EMILIN1: variants seen among roughly 807,000 people sequenced by gnomAD.
EMILIN1 encodes the protein EMILIN-1.
In EMILIN1, 49 loss-of-function variants were observed where a neutral mutation model predicts 82.4. That is an observed-to-expected ratio of 0.59 (90% CI 0.47 to 0.75). EMILIN1 has a LOEUF of 0.75. EMILIN1 is among the 30% of genes least tolerant of loss of function. The pLI is 0.00. For synonymous variants in EMILIN1, 604 were observed against 602.2 expected, an observed-to-expected ratio of 1.00 and a Z score of -0.04; for missense variants, 1,313 against 1,366.4, an observed-to-expected ratio of 0.96 and a Z score of 0.62.
In EMILIN1 at chr2:27,082,661, G is replaced by C. The variant is rs930721581; in HGVS notation, c.1090G>C (p.Glu364Gln). The stretch of plus-strand genomic sequence containing the variant: ...TCCAGAGCTGGGCCGGCGACTGGCA[G>C]AGCTGGAGCGCAGGCTGGATGTCGT... ...CSPELGRRLA[E>Q]LERRLDVVAG... The change falls in exon 4 of 8, where the codon GAG (glutamate) becomes CAG (glutamine). Residue 364 changes from glutamate (E) to glutamine (Q), a missense_variant. Coordinates refer to ENST00000380320, the MANE Select transcript of EMILIN1 (RefSeq NM_007046.4). The C allele has an allele frequency of 6.4e-7, 1 of 1,551,146 alleles. No homozygotes were observed. The highest frequency in any genetic ancestry group is 1.4e-5 in the African/African-American group (1 of 73,542).
chr2:27,080,196 T>C lies in EMILIN1; in HGVS notation c.216T>C (p.Leu72=). ...YVVTRTVSCV[L]EDGVETYVKY... ...TGACCCGGACAGTGAGCTGTGTCCT[T>C]GAGGATGGAGTGGAGACATATGTCA... is the stretch of plus-strand genomic sequence containing the variant. The change falls in exon 2 of 8, where the codon CTT becomes CTC. Residue 72 remains leucine, a synonymous_variant. Coordinates refer to ENST00000380320, the MANE Select transcript of EMILIN1 (RefSeq NM_007046.4). 6.2e-7 allele frequency: 1 copy of C among 1,614,026 alleles called. No individual in the cohort carries two copies. The highest frequency in any genetic ancestry group is 8.5e-7 in the Non-Finnish European group (1 of 1,179,926).
At position 27,082,970 on chromosome 2, in the gene EMILIN1, T is replaced by C. The variant is rs1482255358; in HGVS notation, c.1399T>C (p.Leu467=). ...SGELGGRLDL[L]EEQVAGAMQA... ...GGAGCTGGGGGGGCGGTTGGATCTG[T>C]TGGAGGAGCAGGTGGCAGGGGCCAT... is the stretch of plus-strand genomic sequence containing the variant. Residue 467 remains leucine (L), a synonymous_variant, in exon 4 of 8, where the codon TTG becomes CTG. Coordinates refer to ENST00000380320, the MANE Select transcript of EMILIN1 (RefSeq NM_007046.4). 1 of 1,581,830 alleles carries C rather than the reference T, an allele frequency of 6.3e-7. No homozygotes were observed.
Position 27,085,551 on chromosome 2 carries a change from C to A in EMILIN1, c.2714-127C>A, listed in dbSNP as rs138742329. On this transcript the variant is annotated intron_variant, in intron 7 of 7. Transcript: ENST00000380320. ...TGCTGGGAATGCATAGTGAACAAAG[C>A]CCCCAGTTCCCTGCCGCTCACATTC... The A allele has an allele frequency of 9.2e-5, 91 of 987,932 alleles. No homozygotes were observed. The African/African-American group carries it at 1.2e-3, about 14-fold the overall frequency. The allele number at this position is 987,932 out of a possible 1,614,324, so 61.2% of individuals were successfully genotyped here. A position where few individuals can be genotyped will look rare whatever the true frequency, so the allele number is the denominator to read the frequency against.
intron 1 of EMILIN1, 109 bp from the exon 2 acceptor site, chr2:27,080,042 C>T (rs1262303798): frequency 2.1e-5 from 27 of 1,298,850 alleles, no homozygotes; most frequent in Non-Finnish European, 2.8e-5. Flanking sequence ...CACTGATCCC[C>T]AAGGGTTCTG....
At position 27,082,760 on chromosome 2, in the gene EMILIN1, C is replaced by T. The variant is rs749283395; in HGVS notation, c.1189C>T (p.Pro397Ser). Residue 397 changes from proline (P) to serine (S), a missense_variant, in exon 4 of 8, where the codon CCC becomes TCC. Pro to Ser is a moderately conservative substitution (Grantham distance 74). Transcript: ENST00000380320. ...LGGAAGQGGH[P>S]PGYTSLASRL... ...AGGAGCCGCGGGGCAGGGAGGCCAC[C>T]CCCCAGGCTACACCAGCTTGGCCTC... 1.8e-4 allele frequency: 283 copies of T among 1,540,000 alleles called. No individual in the cohort carries two copies. Among genetic ancestry groups the T allele is most frequent in the Non-Finnish European group, 2.3e-4 (260 of 1,149,238 alleles).
intron 1 of EMILIN1, 119 bp from the exon 2 acceptor site, chr2:27,080,032 C>A: frequency 8.5e-7 from 1 of 1,170,240 alleles, no homozygotes; most frequent in South Asian, 1.5e-5. Context: ...CCCTTGCTCT[C>A]ACTGATCCCC....
chr2:27,082,262 C>T lies in EMILIN1; in HGVS notation c.691C>T (p.Pro231Ser). 2 of 1,613,262 alleles carry T rather than the reference C, an allele frequency of 1.2e-6. No homozygotes were observed. The highest frequency in any genetic ancestry group is 8.5e-7 in the Non-Finnish European group (1 of 1,179,950). Residue 231 changes from proline (P) to serine (S), a missense_variant, in exon 4 of 8, where the codon CCT becomes TCT. By Grantham distance (74) the Pro-to-Ser change is moderately conservative. Coordinates refer to ENST00000380320, the MANE Select transcript of EMILIN1 (RefSeq NM_007046.4). ...GCAGCCAGCTGACGCGGCTGCCCGC[C>T]CTGGGGTGCATGAAACCCTCAATGA... Reference protein sequence around the residue: ...RQQPADAAARPGVHETLNEIQ... With the variant: ...RQQPADAAARSGVHETLNEIQ...
In EMILIN1 at chr2:27,079,075, C is replaced by A; in HGVS notation, c.10C>A (p.Arg4Ser). 6.3e-7 allele frequency: 1 copy of A among 1,596,308 alleles called. No individual in the cohort carries two copies. Among genetic ancestry groups the A allele is most frequent in the Non-Finnish European group, 8.5e-7 (1 of 1,172,784 alleles). The change falls in exon 1 of 8, where the codon CGC (arginine) becomes AGC (serine). Residue 4 changes from arginine (R) to serine (S), a missense_variant. Transcript: ENST00000380320. ...TGTGGAGCGCCCCGCCATGGCCCCC[C>A]GCACCCTCTGGAGCTGCTACCTCTG... is the stretch of plus-strand genomic sequence containing the variant. Reference protein sequence around the residue: MAPRTLWSCYLCCL... With the variant: MAPSTLWSCYLCCL...
intron 3 of EMILIN1, 64 bp from the exon 4 acceptor site, chr2:27,082,019 G>C: frequency 6.7e-7 from 1 of 1,482,404 alleles, no homozygotes; most frequent in East Asian, 2.5e-5. Context: ...CTGGAGCTGG[G>C]GTGAGCAGGG....
intron 2 of EMILIN1, 32 bp downstream of exon 2, chr2:27,080,302 G>C: frequency 6.2e-7 from 1 of 1,611,862 alleles, no homozygotes; most frequent in Non-Finnish European, 8.5e-7. Context: ...CGGGCCCTTG[G>C]TGGGAACTGG....
In EMILIN1 at chr2:27,085,794, GA is replaced by G. The variant is rs770081280; in HGVS notation, c.2831del (p.Asp944AlafsTer201). ...CTCCAACCAGGGCGTGGCCCGCGTA[GA>G]CTCCGGTGGCTACGAGCCTGAGGGC... ...SRSNQGVARV[D>X]SGGYEPEGLE... On this transcript the variant is annotated frameshift_variant, in exon 8 of 8. Transcript: ENST00000380320. LOFTEE classifies it high-confidence loss of function. 1 of 1,612,676 alleles carries G rather than the reference GA, an allele frequency of 6.2e-7. No individual in the cohort carries two copies. The highest frequency in any genetic ancestry group is 8.5e-7 in the Non-Finnish European group (1 of 1,179,824).
Position 27,082,320 on chromosome 2 carries a change from G to A in EMILIN1, c.749G>A (p.Arg250His), listed in dbSNP as rs1006719031. 7.4e-6 allele frequency: 12 copies of A among 1,612,742 alleles called. No homozygotes were observed. In the African/African-American group the frequency reaches 1.1e-4, roughly 14 times the overall value. The change falls in exon 4 of 8, where the codon CGC becomes CAC. Residue 250 changes from arginine to histidine, a missense_variant. Arg to His is a conservative substitution (Grantham distance 29). Coordinates refer to ENST00000380320, the MANE Select transcript of EMILIN1 (RefSeq NM_007046.4). ...CACCAGCTGCAGCTCCTGGACACCC[G>A]CGTCTCCACCCACGACCAGGAGCTG... ...IQHQLQLLDT[R>H]VSTHDQELGH...
chr2:27,081,043 C>T, intron 3 of EMILIN1, 91 bp downstream of exon 3: 2 of 1,000,812 alleles, frequency 2.0e-6, no homozygotes, highest in South Asian at 3.2e-5. Context: ...GGGGAGTCCC[C>T]CGTGCTCTAT....
At position 27,084,471 on chromosome 2, in the gene EMILIN1, C is replaced by A; in HGVS notation, c.2497C>A (p.Pro833Thr). ...GPPGLQGPPG[P>T]AGPPGSPGKD... ...TCCTGGGCTGCAGGGACCCCCAGGC[C>A]CTGCTGGACCTCCAGGATCACCAGG... The change falls in exon 5 of 8, where the codon CCT (proline) becomes ACT (threonine). Residue 833 changes from proline (P) to threonine (T), a missense_variant. Coordinates refer to ENST00000380320, the MANE Select transcript of EMILIN1 (RefSeq NM_007046.4). 1.2e-6 allele frequency: 2 copies of A among 1,613,190 alleles called. No individual in the cohort carries two copies. Among genetic ancestry groups the A allele is most frequent in the Non-Finnish European group, 1.7e-6 (2 of 1,179,906 alleles).
At position 27,079,015 on chromosome 2, in the gene EMILIN1, C is replaced by G. The variant is rs1669426532; in HGVS notation, c.-51C>G. 4 of 1,420,042 alleles carry G rather than the reference C, an allele frequency of 2.8e-6. No homozygotes were observed. The East Asian group carries it at 1.1e-4, about 39-fold the overall frequency. 88.0% of individuals were successfully genotyped at this position (1,420,042 alleles called of 1,614,324 possible). A position where few individuals can be genotyped will look rare whatever the true frequency, so the allele number is the denominator to read the frequency against. ...AGCATCCCCGGGGCCGGCAGAGGCG[C>G]CAGTGGCTGGGCGGGATGAGTCTCT... On this transcript the variant is annotated 5_prime_UTR_variant, in exon 1 of 8. Coordinates refer to ENST00000380320, the MANE Select transcript of EMILIN1 (RefSeq NM_007046.4).
rs62639701 is a variant in EMILIN1, at chr2:27,082,423, G to A, written c.852G>A (p.Pro284=). The change falls in exon 4 of 8, where the codon CCG becomes CCA. Residue 284 remains proline, a synonymous_variant. Transcript: ENST00000380320. ...SRAPAPASAP[P]GPSEELLRQL... ...CCCCAGCCCCAGCCTCAGCCCCTCC[G>A]GGCCCCAGTGAGGAGCTGCTGCGGC... 3.1e-4 allele frequency: 503 copies of A among 1,601,774 alleles called. 4 individuals are homozygous for A. The African/African-American group carries it at 5.5e-3, about 17-fold the overall frequency.
At position 27,083,389 on chromosome 2, in the gene EMILIN1, G is replaced by A; in HGVS notation, c.1818G>A (p.Leu606=). The A allele has an allele frequency of 6.2e-7, 1 of 1,612,188 alleles. No homozygotes were observed. Among genetic ancestry groups the A allele is most frequent in the South Asian group, 1.1e-5 (1 of 91,090 alleles). Residue 606 remains leucine (L), a synonymous_variant, in exon 4 of 8, where the codon CTG becomes CTA. Coordinates refer to ENST00000380320, the MANE Select transcript of EMILIN1 (RefSeq NM_007046.4). ...RDGVERCSCP[L]LPPRGPGAGP... is the part of the protein sequence containing the mutation. ...GTGTGGAGCGCTGCTCCTGCCCCCT[G>A]TTGCCTCCTCGGGGTCCTGGGGCTG...
chr2:27,084,135 G>A (rs1669547457), intron 4 of EMILIN1, 124 bp downstream of exon 4: 3 of 1,127,846 alleles, frequency 2.7e-6, no homozygotes, highest in South Asian at 1.8e-5. Flanking sequence ...TGCAGCCCCA[G>A]CCAGTATTCC....
At position 27,078,813 on chromosome 2, in the gene EMILIN1, C is replaced by T. The variant is rs762582952; in HGVS notation, c.-253C>T. ...GGCCAGAGGGGGCACAGAGAACAAA[C>T]CCCCTCAGAAGTGAAGAGGAGAGCG... On this transcript the variant is annotated 5_prime_UTR_variant, in exon 1 of 8. Coordinates refer to ENST00000380320, the MANE Select transcript of EMILIN1 (RefSeq NM_007046.4). 2.3e-6 allele frequency: 1 copy of T among 427,536 alleles called. No individual in the cohort carries two copies. The highest frequency in any genetic ancestry group is 4.1e-6 in the Non-Finnish European group (1 of 241,104). 26.5% of individuals were successfully genotyped at this position (427,536 alleles called of 1,614,324 possible).
Sources: gnomAD v4.1 joint callset for allele counts on GRCh38, gnomAD v4.1.1 for gene constraint, MANE v1.5 for transcripts, NCBI Gene and HGNC (gene_info 2026-07-23, HGNC 2026-07-21) for gene names.